The following SHE variants were observed in gnomAD, a reference collection of about 807,000 sequenced individuals.
SHE encodes Src homology 2 domain containing E.
A neutral mutation model predicts 49.8 loss-of-function variants in SHE; 11 were observed. That is an observed-to-expected ratio of 0.22 (90% CI 0.14 to 0.37). The LOEUF is 0.37. Ranked by LOEUF, SHE falls within the 10% of genes least tolerant of loss-of-function variation. The probability of loss-of-function intolerance (pLI) is 1.00; values close to 1 mark genes in which losing one functional copy is unlikely to be tolerated. For missense variants in SHE, 624 were observed against 655.5 expected, an observed-to-expected ratio of 0.95 and a Z score of 0.52; for synonymous variants, 310 against 278.1, an observed-to-expected ratio of 1.11 and a Z score of -1.14.
At position 154,481,093 on chromosome 1, in the gene SHE, G is replaced by A; in HGVS notation, c.*3056C>T. The A allele has an allele frequency of 1.0e-6, 1 of 985,456 alleles. No individual in the cohort carries two copies. The highest frequency in any genetic ancestry group is 1.2e-6 in the Non-Finnish European group (1 of 829,940). The allele number at this position is 985,456 out of a possible 1,614,324, so 61.0% of individuals were successfully genotyped here. A position where few individuals can be genotyped will look rare whatever the true frequency, so the allele number is the denominator to read the frequency against. ...CTCAAGACAAAATGACAAAAAGCCAGAGCATTCAGAGCTCAGAGAACATGT... is the reference window on the plus strand; with the variant it reads ...CTCAAGACAAAATGACAAAAAGCCAAAGCATTCAGAGCTCAGAGAACATGT... On this transcript the variant is annotated 3_prime_UTR_variant, in exon 6 of 6. Transcript: ENST00000304760.
chr1:154,486,493 T>C, intron 4 of SHE, 34 bp downstream of exon 4: 5 of 1,609,746 alleles, frequency 3.1e-6, no homozygotes, highest in Non-Finnish European at 4.2e-6. Context: ...CTCCCAGCTG[T>C]TGTCTGTTAC....
In SHE at chr1:154,501,644, TC is replaced by T; in HGVS notation, c.382del (p.Glu128ArgfsTer74). The T allele has an allele frequency of 6.2e-7, 1 of 1,614,138 alleles. No individual in the cohort carries two copies. The highest frequency in any genetic ancestry group is 8.5e-7 in the Non-Finnish European group (1 of 1,180,002). ...CTTGGTTGCACCCCGGTGGGGCTCC[TC>T]CTCCGTGGCCCGGGAGTTTTTGCGG... ...KGRKNSRATEEEPHRGATKSS... is the reference protein window; with the variant it reads ...KGRKNSRATEXEPHRGATKSS... On this transcript the variant is annotated frameshift_variant, in exon 1 of 6. Coordinates refer to ENST00000304760, the MANE Select transcript of SHE (RefSeq NM_001010846.3). LOFTEE classifies it high-confidence loss of function.
intron 1 of SHE, among the ~76,000 whole-genome samples, chr1:154,471,985 C>T (rs1330225060): frequency 1.3e-5 from 2 of 152,062 alleles, no homozygotes; most frequent in African/African-American, 4.8e-5. Flanking sequence ...CCAGCCTGGC[C>T]AACATGGTGA....
downstream of SHE, among the ~76,000 whole-genome samples, chr1:154,476,069 G>A (rs968113277): frequency 2.6e-5 from 4 of 152,268 alleles, no homozygotes; most frequent in Admixed American, 6.5e-5. Flanking sequence ...AGTCCAGGAC[G>A]GTGCAGTGGC....
chr1:154,472,964 C>T (rs759636658), intron 1 of SHE, among the ~76,000 whole-genome samples: 5 of 151,948 alleles, frequency 3.3e-5, no homozygotes, highest in Admixed American at 1.3e-4. Context: ...GAGTTCAAGA[C>T]GAGCCTGGAC....
At position 154,484,245 on chromosome 1, in the gene SHE, G is replaced by A. The variant is rs1328963471; in HGVS notation, c.1392C>T (p.Ile464=). ...TGGAATAATAGTGTACCACTTCAGG[G>A]ATGCTGTCAAACACAGCGCTTGTCT... ...LNQTSAVFDS[I]PEVVHYYSNE... Residue 464 remains isoleucine, a synonymous_variant, in exon 6 of 6, where the codon ATC becomes ATT. Transcript: ENST00000304760. The A allele has an allele frequency of 6.8e-6, 11 of 1,614,186 alleles. No homozygotes were observed. The South Asian group carries it at 1.1e-4, about 16-fold the overall frequency.
intron 1 of SHE, among the ~76,000 whole-genome samples, chr1:154,473,528 C>T (rs923045306): frequency 2.6e-5 from 4 of 151,910 alleles, no homozygotes; most frequent in African/African-American, 7.2e-5. Flanking sequence ...GGCAGCTGGG[C>T]GCTGTGGCTC....
At position 154,501,412 on chromosome 1, in the gene SHE, G is replaced by A. The variant is rs754378909; in HGVS notation, c.591+24C>T. ...AGGGCTCCCCTTCGACTGAGAGGTG[G>A]TCCAAGGGAGGCTGTATTCTTACCG... is the stretch of plus-strand genomic sequence containing the variant. On this transcript the variant is annotated intron_variant, in intron 1 of 5. Coordinates refer to ENST00000304760, the MANE Select transcript of SHE (RefSeq NM_001010846.3). 21 of 1,609,396 alleles carry A rather than the reference G, an allele frequency of 1.3e-5. No homozygotes were observed. The African/African-American group carries it at 2.4e-4, about 18-fold the overall frequency.
chr1:154,481,040 G>A lies in SHE; in HGVS notation c.*3109C>T. On this transcript the variant is annotated 3_prime_UTR_variant, in exon 6 of 6. Transcript: ENST00000304760. ...ATCCTGGGAGATGGAATAACTCGAAGGAATGAGGACTACAGGAAAATACTT... is the reference window on the plus strand; with the variant it reads ...ATCCTGGGAGATGGAATAACTCGAAAGAATGAGGACTACAGGAAAATACTT... The A allele has an allele frequency of 1.0e-6, 1 of 985,386 alleles. No homozygotes were observed. Among genetic ancestry groups the A allele is most frequent in the South Asian group, 4.7e-5 (1 of 21,292 alleles). 61.0% of individuals were successfully genotyped at this position (985,386 alleles called of 1,614,324 possible). A position where few individuals can be genotyped will look rare whatever the true frequency, so the allele number is the denominator to read the frequency against.
chr1:154,481,661 C>A lies in SHE; in HGVS notation c.*2488G>T, dbSNP rs557537480. ...TTTGTAGAATAAGGTTAAGTAAAAA[C>A]GTTTCATTTCTAGAATGTTAAACTA... On this transcript the variant is annotated 3_prime_UTR_variant, in exon 6 of 6. Transcript: ENST00000304760. 4.1e-4 allele frequency: 401 copies of A among 977,840 alleles called. 2 individuals are homozygous for A. In the South Asian group the frequency reaches 8.5e-3, roughly 21 times the overall value. The allele number at this position is 977,840 out of a possible 1,614,324, so 60.6% of individuals were successfully genotyped here. A position where few individuals can be genotyped will look rare whatever the true frequency, so the allele number is the denominator to read the frequency against.
At chr1:154,492,588 GT>G (rs1692401875) in intron 2 of SHE, among the ~76,000 whole-genome samples, 2 of 152,298 alleles carry the variant, frequency 1.3e-5, no homozygotes, top group African/African-American at 4.8e-5. Context: ...CAGTCCTACA[GT>G]TTTTCTTCTT....
rs984158251 is a variant in SHE, at chr1:154,480,511, C to T, written c.*3638G>A. 3.0e-6 allele frequency: 3 copies of T among 985,354 alleles called. No individual in the cohort carries two copies. The highest frequency in any genetic ancestry group is 3.6e-6 in the Non-Finnish European group (3 of 829,940). The allele number at this position is 985,354 out of a possible 1,614,324, so 61.0% of individuals were successfully genotyped here. On this transcript the variant is annotated 3_prime_UTR_variant, in exon 6 of 6. Transcript: ENST00000304760. ...CCAATTAACAAATTAGGACAATTTC[C>T]CACCACCTGCCTCAAAAACTCCTGG...
At chr1:154,474,053 C>G (rs1012905757) in intron 1 of SHE, among the ~76,000 whole-genome samples, 1 of 152,228 alleles carries the variant, frequency 6.6e-6, no homozygotes, top group Non-Finnish European at 1.5e-5. Context: ...TGCCATGGGG[C>G]TCCGGCCCCC....
chr1:154,500,865 G>T (rs768656810), intron 1 of SHE, among the ~76,000 whole-genome samples: 1 of 152,002 alleles, frequency 6.6e-6, no homozygotes, highest in Non-Finnish European at 1.5e-5. Flanking sequence ...TGGCTGCTGC[G>T]CAACAAATGC....
At chr1:154,487,234 G>A (rs1227676493) in intron 3 of SHE, among the ~76,000 whole-genome samples, 1 of 150,010 alleles carries the variant, frequency 6.7e-6, no homozygotes, top group Non-Finnish European at 1.5e-5. Flanking sequence ...ATTGCGCCAC[G>A]GCACTCCACC....
downstream of SHE, among the ~76,000 whole-genome samples, chr1:154,474,501 CTTTA>C (rs913995639): frequency 8.5e-5 from 13 of 152,062 alleles, no homozygotes; most frequent in African/African-American, 2.2e-4. Flanking sequence ...TCAAATTGTG[CTTTA>C]TTTATTTATT....
intron 2 of SHE, among the ~76,000 whole-genome samples, chr1:154,490,347 A>G (rs1008151697): frequency 2.0e-5 from 3 of 152,252 alleles, no homozygotes; most frequent in African/African-American, 7.2e-5. Context: ...TCACTCTAAG[A>G]TTATGGGATA....
Position 154,501,931 on chromosome 1 carries a change from G to C in SHE, c.96C>G (p.Gly32=), listed in dbSNP as rs1692787791. ...STAPTLLGRA[G]RGPLMAAKWF... is the part of the protein sequence containing the mutation. Reference sequence around the variant, plus strand: ...ACTTGGCCGCCATGAGGGGGCCCCGGCCGGCTCGGCCCAGGAGCGTCGGGG... The same window carrying C: ...ACTTGGCCGCCATGAGGGGGCCCCGCCCGGCTCGGCCCAGGAGCGTCGGGG... The change falls in exon 1 of 6, where the codon GGC becomes GGG. Residue 32 remains glycine, a synonymous_variant. Transcript: ENST00000304760. The C allele has an allele frequency of 1.3e-6, 2 of 1,488,058 alleles. No homozygotes were observed. Among genetic ancestry groups the C allele is most frequent in the Non-Finnish European group, 8.9e-7 (1 of 1,128,248 alleles). The allele number at this position is 1,488,058 out of a possible 1,614,324, so 92.2% of individuals were successfully genotyped here. A position where few individuals can be genotyped will look rare whatever the true frequency, so the allele number is the denominator to read the frequency against.
Position 154,481,619 on chromosome 1 carries a change from A to C in SHE, c.*2530T>G. 3 of 984,874 alleles carry C rather than the reference A, an allele frequency of 3.0e-6. No individual in the cohort carries two copies. Among genetic ancestry groups the C allele is most frequent in the Non-Finnish European group, 3.6e-6 (3 of 829,370 alleles). 61.0% of individuals were successfully genotyped at this position (984,874 alleles called of 1,614,324 possible). A position where few individuals can be genotyped will look rare whatever the true frequency, so the allele number is the denominator to read the frequency against. Reference sequence around the variant, plus strand: ...GCTTTTAGCATTTATTAAAATTAGAATAACTGCTGTATTCCCTTTGTAGAA... The same window carrying C: ...GCTTTTAGCATTTATTAAAATTAGACTAACTGCTGTATTCCCTTTGTAGAA... On this transcript the variant is annotated 3_prime_UTR_variant, in exon 6 of 6. Transcript: ENST00000304760.
Sources: gnomAD v4.1 joint callset for allele counts (sites outside exome capture counted in the v4.1 genomes callset) on GRCh38, gnomAD v4.1.1 for gene constraint, MANE v1.5 for transcripts, NCBI Gene and HGNC (gene_info 2026-07-23, HGNC 2026-07-21) for gene names.